ADGRB3: variants seen among roughly 807,000 people sequenced by gnomAD.
ADGRB3 encodes brain-specific angiogenesis inhibitor 3.
In ADGRB3, 37 loss-of-function variants were observed where a neutral mutation model predicts 193.4. The ratio of observed to expected loss-of-function variants is 0.19; its 90% CI spans 0.15 to 0.25. The LOEUF (loss-of-function observed/expected upper bound fraction) is 0.25, where lower values mean the gene tolerates loss of function less well. Among genes scored for constraint, ADGRB3 ranks in the 10% least tolerant of loss-of-function variants. ADGRB3 has a pLI of 1.00. For missense variants in ADGRB3, 1,637 were observed against 1,852.9 expected (o/e 0.88, Z 2.14); for synonymous variants, 690 against 644.2 (o/e 1.07, Z -1.08).
At chr6:69,388,254 T>TA (rs1336903143) in intron 31 of ADGRB3, among the ~76,000 whole-genome samples, 1 of 152,178 alleles carries the variant, frequency 6.6e-6, no homozygotes, top group Non-Finnish European at 1.5e-5. Context: ...GGAATTCTGT[T>TA]ACCTTGAGTA....
chr6:69,361,443 T>G lies in ADGRB3; in HGVS notation c.4170T>G (p.Ser1390=). 1 of 1,612,852 alleles carries G rather than the reference T, an allele frequency of 6.2e-7. No homozygotes were observed. The highest frequency in any genetic ancestry group is 8.5e-7 in the Non-Finnish European group (1 of 1,179,154). ...PRTAVKNFMA[S]ELDDNAGLSR... ...CAGCTGTGAAGAATTTCATGGCCTC[T>G]GAGTTGGATGATAATGCAGGACTAT... Residue 1390 remains serine, a synonymous_variant, in exon 29 of 32, where the codon TCT becomes TCG. Transcript: ENST00000370598.
At chr6:69,145,717 T>G (rs1774472598) in intron 17 of ADGRB3, among the ~76,000 whole-genome samples, 1 of 142,922 alleles carries the variant, frequency 7.0e-6, no homozygotes, top group African/African-American at 2.6e-5. Flanking sequence ...TCCTCTCTGC[T>G]GACAGGGTAT....
At chr6:69,354,131 T>C (rs1296274397) in intron 26 of ADGRB3, 102 bp from the exon 27 acceptor site, 2 of 762,642 alleles carry the variant, frequency 2.6e-6, no homozygotes, top group African/African-American at 1.7e-5. Flanking sequence ...TATAAGATAG[T>C]AAAATCAGTG....
At chr6:69,362,525 GA>G (rs768662050) in intron 29 of ADGRB3, among the ~76,000 whole-genome samples, 4 of 151,902 alleles carry the variant, frequency 2.6e-5, no homozygotes, top group Admixed American at 1.3e-4. Flanking sequence ...AAAATGCGAT[GA>G]ATAAGGTAAT....
chr6:69,066,814 T>C (rs1353556796), intron 16 of ADGRB3, among the ~76,000 whole-genome samples: 1 of 152,138 alleles, frequency 6.6e-6, no homozygotes, highest in Non-Finnish European at 1.5e-5. Context: ...ATCAAATTTT[T>C]AGATCCTATA....
intron 3 of ADGRB3, among the ~76,000 whole-genome samples, chr6:68,674,501 T>A (rs1180529881): frequency 6.6e-6 from 1 of 152,142 alleles, no homozygotes; most frequent in African/African-American, 2.4e-5. Context: ...TTACCACTTA[T>A]TAGGCGTGAC....
chr6:68,749,444 G>A (rs1277934281), intron 3 of ADGRB3, among the ~76,000 whole-genome samples: 1 of 148,626 alleles, frequency 6.7e-6, no homozygotes, highest in Non-Finnish European at 1.5e-5. Context: ...GTGTGTGTGT[G>A]TGTATAATTA....
Position 68,726,543 on chromosome 6 carries a change from A to G in ADGRB3, c.757+87111A>G, listed in dbSNP as rs569773344. The stretch of plus-strand genomic sequence containing the variant: ...TAAAGCTCAATCTGGACTCCTAGGA[A>G]TTGGGACTGCTGAGCTGCATTTAGA... On this transcript the variant is annotated intron_variant, in intron 3 of 31. Coordinates refer to ENST00000370598, the MANE Select transcript of ADGRB3 (RefSeq NM_001704.3). Among the ~76,000 whole-genome samples the G allele has an allele frequency of 7.2e-4, 109 of 151,712 alleles. 1 individual carries two copies. The highest frequency in any genetic ancestry group is 2.4e-3 in the African/African-American group (100 of 41,470).
intron 5 of ADGRB3, among the ~76,000 whole-genome samples, chr6:68,939,615 A>G (rs1457135482): frequency 1.3e-5 from 2 of 152,160 alleles, no homozygotes; most frequent in Admixed American, 6.5e-5. Flanking sequence ...CACTATAAGA[A>G]TTGGAATTTT....
At chr6:68,886,589 A>C (rs1191640237) in intron 3 of ADGRB3, among the ~76,000 whole-genome samples, 1 of 152,078 alleles carries the variant, frequency 6.6e-6, no homozygotes, top group Non-Finnish European at 1.5e-5. Flanking sequence ...TGTCTTGTTT[A>C]CTTTTTAGGC....
At position 68,852,072 on chromosome 6, in the gene ADGRB3, C is replaced by T. The variant is rs1277487980; in HGVS notation, c.758-78487C>T. Among the ~76,000 whole-genome samples, 6 of 151,856 alleles carry T rather than the reference C, an allele frequency of 4.0e-5. No homozygotes were observed. The East Asian group carries it at 9.6e-4, about 24-fold the overall frequency. ...TATTGTAGGTTTATAAGTCCTTGCA[C>T]TTTATTCCAGTTGTTACTATGCTTC... On this transcript the variant is annotated intron_variant, in intron 3 of 31. Coordinates refer to ENST00000370598, the MANE Select transcript of ADGRB3 (RefSeq NM_001704.3).
At chr6:69,330,314 A>G (rs576217352) in intron 22 of ADGRB3, among the ~76,000 whole-genome samples, 192 bp from the exon 23 acceptor site, 24 of 152,328 alleles carry the variant, frequency 1.6e-4, no homozygotes, top group African/African-American at 5.3e-4. Flanking sequence ...TTAGATATAT[A>G]TAGTATTTCT....
intron 26 of ADGRB3, among the ~76,000 whole-genome samples, chr6:69,346,871 T>A (rs756565030): frequency 3.2e-4 from 49 of 152,148 alleles, no homozygotes; most frequent in Non-Finnish European, 4.1e-4. Context: ...CCGAAAGGAT[T>A]ATACATCACT....
chr6:68,691,624 T>C (rs1765074416), intron 3 of ADGRB3, among the ~76,000 whole-genome samples: 1 of 152,018 alleles, frequency 6.6e-6, no homozygotes, highest in African/African-American at 2.4e-5. Flanking sequence ...ATTTTAGATA[T>C]GATTTAAGGA....
intron 3 of ADGRB3, among the ~76,000 whole-genome samples, chr6:68,877,632 T>C (rs1303660072): frequency 6.6e-6 from 1 of 152,116 alleles, no homozygotes; most frequent in East Asian, 1.9e-4. Flanking sequence ...ATTAGACATA[T>C]CTGAAAATCT....
rs1287763665 is a variant in ADGRB3, at chr6:69,267,724, C to G, written c.2814+28498C>G. Among the ~76,000 whole-genome samples the G allele has an allele frequency of 2.0e-5, 3 of 152,184 alleles. No homozygotes were observed. The East Asian group carries it at 5.8e-4, about 29-fold the overall frequency. ...AAAGTACCTCTTGGTCAGGTTGTTTCAAGTTACCAGCAGAAGCTACTAATT... is the reference window on the plus strand; with the variant it reads ...AAAGTACCTCTTGGTCAGGTTGTTTGAAGTTACCAGCAGAAGCTACTAATT... On this transcript the variant is annotated intron_variant, in intron 20 of 31. Coordinates refer to ENST00000370598, the MANE Select transcript of ADGRB3 (RefSeq NM_001704.3).
intron 20 of ADGRB3, among the ~76,000 whole-genome samples, chr6:69,276,112 A>G (rs1389527220): frequency 6.6e-6 from 1 of 152,240 alleles, no homozygotes; most frequent in Non-Finnish European, 1.5e-5. Flanking sequence ...CAGCAAGACT[A>G]TAGAAAGAAT....
chr6:69,086,016 A>T (rs1214623726), intron 17 of ADGRB3, among the ~76,000 whole-genome samples: 1 of 151,972 alleles, frequency 6.6e-6, no homozygotes, highest in Non-Finnish European at 1.5e-5. Context: ...CTGTTTAATG[A>T]TTTTCATTTG....
chr6:68,675,023 T>C (rs986891886), intron 3 of ADGRB3, among the ~76,000 whole-genome samples: 4 of 152,168 alleles, frequency 2.6e-5, no homozygotes, highest in African/African-American at 9.7e-5. Context: ...TGTGTCTAAC[T>C]GATGTGTTTC....
Sources: allele counts gnomAD v4.1 joint callset (sites outside exome capture counted in the v4.1 genomes callset), GRCh38; gene constraint gnomAD v4.1.1; transcripts MANE v1.5; gene names NCBI Gene and HGNC (gene_info 2026-07-23, HGNC 2026-07-21).